CLTCL1: variants seen among roughly 807,000 people sequenced by gnomAD.
CLTCL1 encodes clathrin heavy chain like 1, also known as clathrin heavy chain 2.
A neutral mutation model predicts 190.0 loss-of-function variants in CLTCL1; 159 were observed. The ratio of observed to expected loss-of-function variants is 0.84; its 90% confidence interval spans 0.74 to 0.95. CLTCL1 has a LOEUF of 0.95. CLTCL1 is among the 40% of genes least tolerant of loss of function. CLTCL1 has a pLI of 0.00. For synonymous variants in CLTCL1, 752 were observed against 769.6 expected, an observed-to-expected ratio of 0.98 and a Z score of 0.38; for missense variants, 1,878 against 2,033.4, an observed-to-expected ratio of 0.92 and a Z score of 1.47.
intron 20 of CLTCL1, chr22:19,209,411 C>T: frequency 3.5e-6 from 1 of 288,646 alleles, no homozygotes; most frequent in Admixed American, 4.8e-5. Context: ...TGCTCCTGAC[C>T]TTGGGAGGAA....
At chr22:19,273,047 C>A (rs2087376066) in intron 2 of CLTCL1, among the ~76,000 whole-genome samples, 1 of 151,838 alleles carries the variant, frequency 6.6e-6, no homozygotes, top group Non-Finnish European at 1.5e-5. Context: ...AGGTGCAGCA[C>A]CCCCCCACAC....
chr22:19,210,510 C>T lies in CLTCL1; in HGVS notation c.3066-1G>A, dbSNP rs781942481. 6.2e-7 allele frequency: 1 copy of T among 1,611,024 alleles called. No homozygotes were observed. The highest frequency in any genetic ancestry group is 1.1e-5 in the South Asian group (1 of 90,998). ...CAGGATCAACAGATTCTGTAGATTCCTGAGGAGAGAGGGTGGTCAGCACGG... is the reference window on the plus strand; with the variant it reads ...CAGGATCAACAGATTCTGTAGATTCTTGAGGAGAGAGGGTGGTCAGCACGG... On this transcript the variant is annotated splice_acceptor_variant, in intron 19 of 32. Coordinates refer to ENST00000427926, the MANE Select transcript of CLTCL1 (RefSeq NM_007098.4). LOFTEE classifies it high-confidence loss of function.
rs782090988 is a variant in CLTCL1, at chr22:19,183,624, C to A, written c.4606-13G>T. 6.2e-7 allele frequency: 1 copy of A among 1,612,542 alleles called. No individual in the cohort carries two copies. Among genetic ancestry groups the A allele is most frequent in the Non-Finnish European group, 8.5e-7 (1 of 1,179,348 alleles). On this transcript the variant is annotated splice_polypyrimidine_tract_variant and intron_variant, in intron 29 of 32. Coordinates refer to ENST00000427926, the MANE Select transcript of CLTCL1 (RefSeq NM_007098.4). ...GCTGCATGGCATCCTGCAGCCAAGG[C>A]AAATGCTTGCTTGGGCATCCTGCAG...
At chr22:19,222,939 T>C in intron 14 of CLTCL1, 130 bp from the exon 15 acceptor site, 1 of 1,089,734 alleles carries the variant, frequency 9.2e-7, no homozygotes, top group Non-Finnish European at 1.3e-6. Flanking sequence ...AGAATGAGAC[T>C]GCTCTAAATA....
intron 5 of CLTCL1, among the ~76,000 whole-genome samples, chr22:19,237,465 G>A (rs1191398906): frequency 6.6e-6 from 1 of 152,240 alleles, no homozygotes; most frequent in African/African-American, 2.4e-5. Flanking sequence ...ACCACCGGCA[G>A]CATCAGTAGG....
At chr22:19,191,241 T>C (rs532221126) in intron 27 of CLTCL1, 63 bp downstream of exon 27, 2 of 1,596,300 alleles carry the variant, frequency 1.3e-6, no homozygotes, top group Admixed American at 1.7e-5. Flanking sequence ...GGTGCTATCA[T>C]TCAGATGACT....
chr22:19,238,701 A>T (rs1279241662), intron 5 of CLTCL1: 1 of 157,614 alleles, frequency 6.3e-6, no homozygotes, highest in Non-Finnish European at 1.4e-5. Context: ...TTCTCCCACC[A>T]GGGGCTTGGG....
intron 3 of CLTCL1, among the ~76,000 whole-genome samples, chr22:19,244,953 C>A (rs1401480851): frequency 6.6e-6 from 1 of 152,150 alleles, no homozygotes; most frequent in Admixed American, 6.6e-5. Context: ...GGCAAGTACA[C>A]AAGCAACTGC....
At chr22:19,246,040 C>T (rs1443429979) in intron 3 of CLTCL1, among the ~76,000 whole-genome samples, 1 of 152,106 alleles carries the variant, frequency 6.6e-6, no homozygotes, top group African/African-American at 2.4e-5. Context: ...ACTGCTGGGT[C>T]AAATGGTAAT....
At chr22:19,201,552 T>A (rs1409250400) in intron 22 of CLTCL1, 59 bp from the exon 23 acceptor site, 12 of 1,554,522 alleles carry the variant, frequency 7.7e-6, no homozygotes, top group Non-Finnish European at 1.1e-5. Flanking sequence ...TTCTCCAGAG[T>A]TGCTTTTAAG....
At chr22:19,276,974 C>T (rs2087538030) in intron 1 of CLTCL1, among the ~76,000 whole-genome samples, 1 of 152,114 alleles carries the variant, frequency 6.6e-6, no homozygotes, top group Non-Finnish European at 1.5e-5. Context: ...GTCTGGTCGA[C>T]ACCTTTATTT....
At position 19,196,876 on chromosome 22, in the gene CLTCL1, A is replaced by G. The variant is rs1019795927; in HGVS notation, c.3874-220T>C. Reference sequence around the variant, plus strand: ...AATTACCAGTGGCACACTGCACTACAATTTTCAAGTTTAGTAAGTGCAAAT... The same window carrying G: ...AATTACCAGTGGCACACTGCACTACGATTTTCAAGTTTAGTAAGTGCAAAT... On this transcript the variant is annotated intron_variant, in intron 24 of 32. Transcript: ENST00000427926. Among the ~76,000 whole-genome samples, 5 of 152,088 alleles carry G rather than the reference A, an allele frequency of 3.3e-5. No individual in the cohort carries two copies. The East Asian group carries it at 9.7e-4, about 29-fold the overall frequency.
At position 19,239,340 on chromosome 22, in the gene CLTCL1, CA is replaced by C. The variant is rs1569211022; in HGVS notation, c.729del (p.Phe243LeufsTer2). 2 of 1,614,042 alleles carry C rather than the reference CA, an allele frequency of 1.2e-6. No homozygotes were observed. ...AAAAACACATCTACTGCTTTCTTTA[CA>C]AAAGGTTGGTTTCCCGCTGCAGGCT... ...VGQPAAGNQP[F>X]VKKAVDVFFP... On this transcript the variant is annotated frameshift_variant, in exon 5 of 33. Transcript: ENST00000427926. LOFTEE classifies it high-confidence loss of function.
chr22:19,221,698 G>T (rs2085575919), intron 16 of CLTCL1, 87 bp from the exon 17 acceptor site: 7 of 1,226,012 alleles, frequency 5.7e-6, no homozygotes, highest in African/African-American at 1.5e-5. Context: ...GATGTTTCCT[G>T]AAACAAAAAA....
chr22:19,250,607 G>A (rs1347133769), intron 3 of CLTCL1, among the ~76,000 whole-genome samples: 5 of 151,868 alleles, frequency 3.3e-5, no homozygotes, highest in Admixed American at 6.6e-5. Context: ...AGGCTGGAGT[G>A]TAGTGGTGCA....
At chr22:19,192,091 A>C (rs1458371285) in intron 26 of CLTCL1, among the ~76,000 whole-genome samples, 1 of 111,078 alleles carries the variant, frequency 9.0e-6, no homozygotes, top group Non-Finnish European at 1.7e-5. Flanking sequence ...TTTGAGACGG[A>C]GTCTCACTCT....
chr22:19,215,950 T>C (rs528669750), intron 19 of CLTCL1, among the ~76,000 whole-genome samples, 161 bp downstream of exon 19: 156 of 152,172 alleles, frequency 1.0e-3, no homozygotes, highest in Non-Finnish European at 1.5e-3. Context: ...AGGGAAGGGC[T>C]AGATTGAGGT....
intron 22 of CLTCL1, among the ~76,000 whole-genome samples, chr22:19,205,198 T>C (rs1308842786): frequency 6.6e-6 from 1 of 152,114 alleles, no homozygotes. Context: ...TTATACTCCA[T>C]TGATGGATGT....
rs201050834 is a variant in CLTCL1, at chr22:19,219,157, TTTTATTTATTTA to T, written c.2919+716_2919+727del. ...GAGAAGGTTCGTAAGGACTAAGATG[TTTTATTTATTTA>T]TTTATTTATTTATTTATTTATTTAT... On this transcript the variant is annotated intron_variant, in intron 18 of 32. Coordinates refer to ENST00000427926, the MANE Select transcript of CLTCL1 (RefSeq NM_007098.4). Among the ~76,000 whole-genome samples the T allele has an allele frequency of 8.0e-3, 1,186 of 148,948 alleles. 14 individuals carry two copies. Among genetic ancestry groups the T allele is most frequent in the East Asian group, 0.058 (292 of 5,070 alleles).
Sources: gnomAD v4.1 joint callset for allele counts (sites outside exome capture counted in the v4.1 genomes callset) on GRCh38, gnomAD v4.1.1 for gene constraint, MANE v1.5 for transcripts, NCBI Gene and HGNC (gene_info 2026-07-23, HGNC 2026-07-21) for gene names.